Variants in TMEM108 observed in about 807,000 individuals in gnomAD.
The protein encoded by TMEM108 is transmembrane protein 108, also known as cancer/testis antigen 124.
Under a neutral mutation model 35.1 loss-of-function variants are expected in TMEM108, and 12 were observed. That is an observed-to-expected ratio of 0.34 (90% confidence interval 0.22 to 0.55). The LOEUF (loss-of-function observed/expected upper bound fraction) is 0.55, where lower values mean the gene tolerates loss of function less well. Among genes scored for constraint, TMEM108 ranks in the 20% least tolerant of loss-of-function variants. The pLI, the probability that TMEM108 is intolerant of heterozygous loss-of-function variation, is 0.89. For synonymous variants in TMEM108, 287 were observed against 308.6 expected (o/e 0.93, Z 0.73); for missense variants, 680 against 753.3 (o/e 0.90, Z 1.14).
At chr3:133,174,026 A>G (rs1368007640) in intron 2 of TMEM108, among the ~76,000 whole-genome samples, 6 of 152,194 alleles carry the variant, frequency 3.9e-5, no homozygotes, top group Non-Finnish European at 8.8e-5. Flanking sequence ...ACACCAGGAG[A>G]TTATATCCCG....
At chr3:133,331,455 T>C (rs992741510) in intron 3 of TMEM108, among the ~76,000 whole-genome samples, 4 of 152,184 alleles carry the variant, frequency 2.6e-5, no homozygotes, top group Admixed American at 1.3e-4. Flanking sequence ...GGAACATTAA[T>C]AGAGGCAGAG....
At chr3:133,362,265 G>A (rs1409814883) in intron 3 of TMEM108, among the ~76,000 whole-genome samples, 5 of 152,196 alleles carry the variant, frequency 3.3e-5, no homozygotes, top group African/African-American at 1.2e-4. Context: ...TACACAAGCT[G>A]AAAATAAAAA....
At chr3:133,255,745 T>C (rs1413315558) in intron 3 of TMEM108, among the ~76,000 whole-genome samples, 1 of 152,160 alleles carries the variant, frequency 6.6e-6, no homozygotes, top group Non-Finnish European at 1.5e-5. Flanking sequence ...TCCAAGCTCT[T>C]TGGGTGGCCG....
At chr3:133,249,215 G>A (rs1414596164) in intron 3 of TMEM108, among the ~76,000 whole-genome samples, 5 of 152,206 alleles carry the variant, frequency 3.3e-5, no homozygotes, top group African/African-American at 1.2e-4. Flanking sequence ...TGTGATAGGA[G>A]GAAGAGACAG....
At chr3:133,288,177 G>A (rs1266329578) in intron 3 of TMEM108, among the ~76,000 whole-genome samples, 1 of 152,140 alleles carries the variant, frequency 6.6e-6, no homozygotes, top group East Asian at 1.9e-4. Context: ...AATCAAATGT[G>A]TATGCAGGAC....
chr3:133,383,884 G>A (rs1399448528), intron 4 of TMEM108, among the ~76,000 whole-genome samples: 1 of 152,152 alleles, frequency 6.6e-6, no homozygotes, highest in Admixed American at 6.5e-5. Flanking sequence ...TATACACAAG[G>A]AGGCTCTTGC....
At chr3:133,123,845 A>G (rs1021009000) in intron 2 of TMEM108, among the ~76,000 whole-genome samples, 2 of 152,206 alleles carry the variant, frequency 1.3e-5, no homozygotes, top group Admixed American at 6.5e-5. Context: ...TGCTTCTGCA[A>G]TAGTGGCCTT....
At chr3:133,238,783 T>C (rs1946274000) in intron 3 of TMEM108, among the ~76,000 whole-genome samples, 1 of 152,220 alleles carries the variant, frequency 6.6e-6, no homozygotes, top group African/African-American at 2.4e-5. Flanking sequence ...ATATGAATTA[T>C]AAATGACATA....
chr3:133,377,745 G>A (rs574827350), intron 3 of TMEM108, among the ~76,000 whole-genome samples: 1 of 152,350 alleles, frequency 6.6e-6, no homozygotes, highest in South Asian at 2.1e-4. Flanking sequence ...CCAGTCTGTG[G>A]CCTGTTAGGA....
At chr3:133,318,687 A>G (rs1266275947) in intron 3 of TMEM108, among the ~76,000 whole-genome samples, 2 of 152,154 alleles carry the variant, frequency 1.3e-5, no homozygotes, top group East Asian at 3.9e-4. Context: ...AATCATAAGA[A>G]AAAAGAGAAA....
intron 3 of TMEM108, among the ~76,000 whole-genome samples, chr3:133,369,590 A>G (rs958146920): frequency 3.9e-5 from 6 of 152,228 alleles, no homozygotes; most frequent in African/African-American, 1.4e-4. Flanking sequence ...ACCTAACTCC[A>G]TACTTTGAAT....
intron 2 of TMEM108, among the ~76,000 whole-genome samples, chr3:133,206,896 G>A (rs187454574): frequency 2.0e-5 from 3 of 152,316 alleles, no homozygotes; most frequent in Admixed American, 2.0e-4. Flanking sequence ...CTGAAGCTGG[G>A]CCCACAGCCG....
At chr3:133,257,332 A>G (rs758950136) in intron 3 of TMEM108, 5 of 152,230 alleles carry the variant, frequency 3.3e-5, no homozygotes, top group Admixed American at 6.5e-5. Flanking sequence ...TAATTTGTCT[A>G]TGTTGCTGTG....
intron 2 of TMEM108, among the ~76,000 whole-genome samples, chr3:133,062,891 C>T (rs867495379): frequency 2.0e-5 from 3 of 152,208 alleles, no homozygotes; most frequent in East Asian, 3.9e-4. Flanking sequence ...ATGTTTTTGC[C>T]GAGTGAGCAG....
chr3:133,201,209 T>C (rs931719866), intron 2 of TMEM108, among the ~76,000 whole-genome samples: 1 of 152,166 alleles, frequency 6.6e-6, no homozygotes, highest in African/African-American at 2.4e-5. Context: ...GCTAGTTGTT[T>C]ATTAAATTTT....
intron 2 of TMEM108, among the ~76,000 whole-genome samples, chr3:133,193,607 G>A (rs1253070156): frequency 1.3e-5 from 2 of 151,926 alleles, no homozygotes; most frequent in East Asian, 3.9e-4. Flanking sequence ...GAAGCCATCA[G>A]TGAAACAGTC....
At chr3:133,218,349 CAG>C (rs1307218999) in intron 2 of TMEM108, among the ~76,000 whole-genome samples, 3 of 151,904 alleles carry the variant, frequency 2.0e-5, no homozygotes, top group African/African-American at 7.2e-5. Flanking sequence ...CATCTGCAGA[CAG>C]AGACATTTAA....
At chr3:133,188,964 G>A (rs570930381) in intron 2 of TMEM108, among the ~76,000 whole-genome samples, 91 of 152,226 alleles carry the variant, frequency 6.0e-4, no homozygotes, top group African/African-American at 2.0e-3. Context: ...AGTGGATGGC[G>A]CATCATGCAG....
chr3:133,355,409 G>A (rs1435366314), intron 3 of TMEM108, among the ~76,000 whole-genome samples: 2 of 152,130 alleles, frequency 1.3e-5, no homozygotes, highest in African/African-American at 4.8e-5. Context: ...GTGAATATTG[G>A]TTGTAGTTGT....
Sources: gnomAD v4.1 joint callset for allele counts (sites outside exome capture counted in the v4.1 genomes callset) on GRCh38, gnomAD v4.1.1 for gene constraint, MANE v1.5 for transcripts, NCBI Gene and HGNC (gene_info 2026-07-23, HGNC 2026-07-21) for gene names.